The following ELAPOR2 variants were observed in gnomAD, a reference collection of about 807,000 sequenced individuals.
ELAPOR2 encodes the protein endosome/lysosome-associated apoptosis and autophagy regulator family member 2.
In ELAPOR2, 89 loss-of-function variants were observed where a neutral mutation model predicts 120.7. That is an observed-to-expected ratio of 0.74 (90% CI 0.62 to 0.88). The LOEUF is 0.88. ELAPOR2 is among the 40% of genes least tolerant of loss of function. The pLI is 0.00. For missense variants in ELAPOR2, 1,134 were observed against 1,251.6 expected, an observed-to-expected ratio of 0.91 and a Z score of 1.42; for synonymous variants, 444 against 444.9, an observed-to-expected ratio of 1.00 and a Z score of 0.03.
At chr7:86,886,256 T>C (rs989059295) in intron 21 of ELAPOR2, among the ~76,000 whole-genome samples, 1 of 152,168 alleles carries the variant, frequency 6.6e-6, no homozygotes. Flanking sequence ...GACTCTGCTA[T>C]TGGGACAGTG....
At chr7:87,051,579 T>A (rs762308916) in intron 1 of ELAPOR2, among the ~76,000 whole-genome samples, 1 of 152,236 alleles carries the variant, frequency 6.6e-6, no homozygotes, top group Non-Finnish European at 1.5e-5. Context: ...CAGGTTTTAC[T>A]CTGTCCATTT....
intron 1 of ELAPOR2, among the ~76,000 whole-genome samples, chr7:87,025,877 T>C (rs1245892104): frequency 1.3e-5 from 2 of 152,108 alleles, no homozygotes; most frequent in African/African-American, 2.4e-5. Context: ...AAATTGTCAA[T>C]TAGAAATGTT....
intron 1 of ELAPOR2, among the ~76,000 whole-genome samples, chr7:87,024,863 A>C (rs796989246): frequency 3.3e-4 from 50 of 152,242 alleles, no homozygotes; most frequent in Middle Eastern, 3.4e-3. Flanking sequence ...GAAGAAGTTG[A>C]ATCTCTGAAT....
At chr7:87,039,491 G>A (rs1794692340) in intron 1 of ELAPOR2, among the ~76,000 whole-genome samples, 1 of 152,094 alleles carries the variant, frequency 6.6e-6, no homozygotes, top group South Asian at 2.1e-4. Context: ...GACGAATACT[G>A]ATGTAAAAAT....
intron 18 of ELAPOR2, among the ~76,000 whole-genome samples, chr7:86,905,034 G>GATGA (rs568669494): frequency 3.7e-4 from 54 of 144,246 alleles, no homozygotes; most frequent in South Asian, 1.8e-3. Context: ...TGAATGAATG[G>GATGA]ATGAATGAAT....
intron 1 of ELAPOR2, among the ~76,000 whole-genome samples, chr7:86,979,784 C>T (rs1020718870): frequency 3.3e-5 from 5 of 152,208 alleles, no homozygotes; most frequent in African/African-American, 9.7e-5. Flanking sequence ...GTCACCCAAT[C>T]TCACAAACTG....
At chr7:86,956,467 A>G (rs1791476602) in intron 2 of ELAPOR2, among the ~76,000 whole-genome samples, 1 of 152,180 alleles carries the variant, frequency 6.6e-6, no homozygotes, top group South Asian at 2.1e-4. Context: ...GTCTTCACAT[A>G]GCCCTATCAA....
intron 5 of ELAPOR2, 67 bp from the exon 6 acceptor site, chr7:86,940,182 A>G: frequency 1.1e-6 from 1 of 929,926 alleles, no homozygotes; most frequent in Non-Finnish European, 1.7e-6. Flanking sequence ...CTACTCCCTT[A>G]CATACTTTTT....
intron 1 of ELAPOR2, among the ~76,000 whole-genome samples, chr7:87,016,693 C>T (rs1418040241): frequency 2.0e-5 from 3 of 148,722 alleles, no homozygotes; most frequent in African/African-American, 7.5e-5. Context: ...TATAATATAA[C>T]ATAACTGTAA....
At chr7:86,955,389 T>G (rs934707810) in intron 2 of ELAPOR2, among the ~76,000 whole-genome samples, 1 of 149,882 alleles carries the variant, frequency 6.7e-6, no homozygotes, top group East Asian at 1.9e-4. Context: ...TAATTGGGAA[T>G]TTTTTTTTTA....
Position 86,912,908 on chromosome 7 carries a change from T to C in ELAPOR2, c.1995+33A>G, listed in dbSNP as rs368715693. 99 of 1,606,952 alleles carry C rather than the reference T, an allele frequency of 6.2e-5. No individual in the cohort carries two copies. The African/African-American group carries it at 1.3e-3, about 20-fold the overall frequency. On this transcript the variant is annotated intron_variant, in intron 14 of 21. Transcript: ENST00000450689. The stretch of plus-strand genomic sequence containing the variant: ...TGAATTTCTCTATTAAAATGTGCTT[T>C]CATGGGGATACCTGAAATGCAGACC...
At chr7:86,909,294 C>G (rs1421354096) in intron 16 of ELAPOR2, among the ~76,000 whole-genome samples, 1 of 151,926 alleles carries the variant, frequency 6.6e-6, no homozygotes, top group Non-Finnish European at 1.5e-5. Context: ...AAATTTGATC[C>G]CTAAGAATCA....
At chr7:87,037,422 A>G (rs925773130) in intron 1 of ELAPOR2, among the ~76,000 whole-genome samples, 7 of 151,920 alleles carry the variant, frequency 4.6e-5, no homozygotes, top group Admixed American at 1.3e-4. Context: ...ATCTACTCAG[A>G]CCAAAAACTT....
At chr7:86,990,258 C>T (rs1792898880) in intron 1 of ELAPOR2, among the ~76,000 whole-genome samples, 1 of 152,054 alleles carries the variant, frequency 6.6e-6, no homozygotes, top group South Asian at 2.1e-4. Flanking sequence ...CCGTCTTAGC[C>T]AGGATGGTCT....
At chr7:86,916,984 T>G (rs13241076) in intron 12 of ELAPOR2, among the ~76,000 whole-genome samples, 96 of 143,594 alleles carry the variant, frequency 6.7e-4, no homozygotes, top group South Asian at 5.8e-3. Context: ...TTTTTTTTTT[T>G]GGGTAGAGAT....
intron 1 of ELAPOR2, among the ~76,000 whole-genome samples, chr7:86,965,385 G>A (rs1224512532): frequency 6.6e-6 from 1 of 152,202 alleles, no homozygotes. Context: ...CTAGGAATTT[G>A]ACTACTGTCA....
Position 86,878,479 on chromosome 7 carries a change from C to T in ELAPOR2, c.*1992G>A, listed in dbSNP as rs1411747327. The T allele has an allele frequency of 6.6e-6, 1 of 152,070 alleles. No individual in the cohort carries two copies. The highest frequency in any genetic ancestry group is 1.9e-4 in the East Asian group (1 of 5,194). The allele number at this position is 152,070 out of a possible 1,614,324, so 9.4% of individuals were successfully genotyped here. The stretch of plus-strand genomic sequence containing the variant: ...TTTTTGACATGTCAGAGATTTTAGT[C>T]CAGTGACAGGAGAAGAAAGAAGCTA... On this transcript the variant is annotated 3_prime_UTR_variant, in exon 22 of 22. Coordinates refer to ENST00000450689, the MANE Select transcript of ELAPOR2 (RefSeq NM_001142749.3).
intron 1 of ELAPOR2, among the ~76,000 whole-genome samples, chr7:87,036,916 C>T (rs1794607208): frequency 6.6e-6 from 1 of 152,084 alleles, no homozygotes; most frequent in African/African-American, 2.4e-5. Context: ...TACAAATGTA[C>T]CCCAATCTAA....
At chr7:87,034,712 G>A (rs1332684296) in intron 1 of ELAPOR2, among the ~76,000 whole-genome samples, 1 of 152,096 alleles carries the variant, frequency 6.6e-6, no homozygotes, top group Admixed American at 6.6e-5. Context: ...AACGTTAGGA[G>A]GTAGGGTTAA....
Sources: gnomAD v4.1 joint callset for allele counts (sites outside exome capture counted in the v4.1 genomes callset) on GRCh38, gnomAD v4.1.1 for gene constraint, MANE v1.5 for transcripts, NCBI Gene and HGNC (gene_info 2026-07-23, HGNC 2026-07-21) for gene names.